The following NBPF12 variants were observed in gnomAD, a reference collection of about 807,000 sequenced individuals.
NBPF12 encodes the protein NBPF member 12.
Under a neutral mutation model 146.4 loss-of-function variants are expected in NBPF12, and 115 were observed. That is an observed-to-expected ratio of 0.79 (90% CI 0.68 to 0.92). The LOEUF is 0.92. NBPF12 is among the 40% of genes least tolerant of loss of function. The probability of loss-of-function intolerance (pLI) is 0.00; values close to 1 mark genes in which losing one functional copy is unlikely to be tolerated. For missense variants in NBPF12, 1,205 were observed against 1,326.8 expected (o/e 0.91, Z 1.43); for synonymous variants, 385 against 508.9 (o/e 0.76, Z 3.28).
chr1:146,938,690 C>G (rs1369493233), upstream of NBPF12: 1 of 152,046 alleles, frequency 6.6e-6, no homozygotes, highest in South Asian at 2.1e-4. Context: ...GCAGCCGGGT[C>G]CCTTTAAGGC....
chr1:146,992,456 CTCTCTCTGTGTGTGTGTG>C (rs1658238696), intron 31 of NBPF12, among the ~76,000 whole-genome samples: 1 of 103,902 alleles, frequency 9.6e-6, no homozygotes, highest in African/African-American at 4.3e-5. Context: ...CTCTCTCTCT[CTCTCTCTGTGTGTGTGTG>C]TGTGTGTGTG....
exon 13 of NBPF12, chr1:146,971,219 G>A (rs1449245435): frequency 1.2e-6 from 2 of 1,611,740 alleles, no homozygotes; most frequent in Non-Finnish European, 1.7e-6. Flanking sequence ...AAGTCCCTGA[G>A]GACTCACTGG....
At chr1:146,978,345 A>T (rs1329571629) in intron 18 of NBPF12, among the ~76,000 whole-genome samples, 27 of 143,080 alleles carry the variant, frequency 1.9e-4, no homozygotes, top group African/African-American at 6.8e-4. Flanking sequence ...ACTTGGTGCA[A>T]CCTCTGCCTC....
At chr1:146,942,848 G>A (rs1312877988) in intron 1 of NBPF12, among the ~76,000 whole-genome samples, 1 of 149,308 alleles carries the variant, frequency 6.7e-6, no homozygotes, top group Non-Finnish European at 1.5e-5. Flanking sequence ...AGAAAGAATC[G>A]AATTCTTGTT....
chr1:146,981,760 C>G (rs1315212402), intron 19 of NBPF12, among the ~76,000 whole-genome samples: 9 of 151,738 alleles, frequency 5.9e-5, no homozygotes, highest in Admixed American at 2.6e-4. Flanking sequence ...TCTTTTTACT[C>G]TTTTTTCTCT....
intron 15 of NBPF12, among the ~76,000 whole-genome samples, 197 bp from the exon 19 acceptor site, chr1:146,975,480 G>A (rs1335074427): frequency 6.7e-6 from 1 of 149,640 alleles, no homozygotes; most frequent in Non-Finnish European, 1.5e-5. Context: ...GATCTTGCAG[G>A]AGCCCTCTCT....
chr1:146,947,803 C>T (rs1655137555), upstream of NBPF12, among the ~76,000 whole-genome samples: 1 of 151,384 alleles, frequency 6.6e-6, no homozygotes, highest in African/African-American at 2.4e-5. Context: ...AGATTGCATT[C>T]TAGGGATGGT....
At chr1:146,975,450 A>G (rs1461064816) in intron 15 of NBPF12, among the ~76,000 whole-genome samples, 17 of 150,334 alleles carry the variant, frequency 1.1e-4, no homozygotes, top group Non-Finnish European at 2.2e-4. Flanking sequence ...GAGGGGAAAG[A>G]TGAATGGAAC....
At chr1:146,992,226 C>T (rs1293013306) in intron 31 of NBPF12, among the ~76,000 whole-genome samples, 180 bp downstream of exon 34, 1 of 133,678 alleles carries the variant, frequency 7.5e-6, no homozygotes, top group Non-Finnish European at 1.6e-5. Context: ...TCTTCCTCCC[C>T]TTATCATTTA....
intron 10 of NBPF12, among the ~76,000 whole-genome samples, chr1:146,968,926 TC>T (rs1323342377): frequency 1.9e-4 from 28 of 151,308 alleles, no homozygotes; most frequent in African/African-American, 6.4e-4. Flanking sequence ...TCTCATTCTT[TC>T]ACTCAATGTT....
At chr1:146,964,662 C>T (rs1481005466) in intron 7 of NBPF12, among the ~76,000 whole-genome samples, 1 of 151,946 alleles carries the variant, frequency 6.6e-6, no homozygotes, top group Admixed American at 6.5e-5. Context: ...TCCTCAGCTC[C>T]TATCTGTCCA....
At chr1:146,977,221 ATCC>A (rs1657100084) in intron 17 of NBPF12, among the ~76,000 whole-genome samples, 1 of 133,572 alleles carries the variant, frequency 7.5e-6, no homozygotes, top group African/African-American at 2.9e-5. Context: ...CTGAGTCTTC[ATCC>A]TTCTCAGCTC....
chr1:146,949,796 C>A (rs1388563856), intron 1 of NBPF12, among the ~76,000 whole-genome samples: 1 of 151,924 alleles, frequency 6.6e-6, no homozygotes, highest in African/African-American at 2.4e-5. Context: ...AGCAGGGAGA[C>A]ACTCTACTCT....
chr1:146,954,718 C>T (rs1655486204), intron 2 of NBPF12, among the ~76,000 whole-genome samples: 1 of 149,776 alleles, frequency 6.7e-6, no homozygotes. Flanking sequence ...AATTCACTAC[C>T]TATTTCCAGA....
At chr1:146,983,364 C>T (rs1657509202) in intron 20 of NBPF12, 3 of 615,974 alleles carry the variant, frequency 4.9e-6, no homozygotes, top group East Asian at 3.1e-5. Context: ...GTGTGGCAAA[C>T]TCACACCAAA....
At chr1:146,967,283 A>G (rs1656269908) in intron 9 of NBPF12, among the ~76,000 whole-genome samples, 1 of 150,776 alleles carries the variant, frequency 6.6e-6, no homozygotes, top group Non-Finnish European at 1.5e-5. Context: ...CGAGTAGAGC[A>G]CGAGGTCAGG....
rs1324808559 is a variant in NBPF12, at chr1:146,958,395, G to A, written c.-183-1464G>A. On this transcript the variant is annotated intron_variant, in intron 2 of 33. Coordinates refer to ENST00000617844, the Ensembl canonical transcript of NBPF12. ...TCATATATTGAAATTAACTTAAGAT[G>A]TGAAAGTTAAAATTAGAAACCTTGT... Among the ~76,000 whole-genome samples, 2 of 128,050 alleles carry A rather than the reference G, an allele frequency of 1.6e-5. 1 individual carries two copies. Among genetic ancestry groups the A allele is most frequent in the African/African-American group, 5.5e-5 (2 of 36,518 alleles). The allele number at this position is 128,050 out of a possible 152,430, so 84.0% of individuals were successfully genotyped here.
chr1:146,973,286 A>G (rs1310050870), intron 14 of NBPF12, among the ~76,000 whole-genome samples: 4 of 151,524 alleles, frequency 2.6e-5, no homozygotes, highest in Non-Finnish European at 4.4e-5. Flanking sequence ...AAGATCCTGC[A>G]GACAAATAAC....
chr1:146,946,179 C>T (rs1315854832), upstream of NBPF12, among the ~76,000 whole-genome samples: 3 of 149,870 alleles, frequency 2.0e-5, no homozygotes, highest in Admixed American at 1.3e-4. Flanking sequence ...TTTGTTTATT[C>T]ATTCACTTGG....
Sources: gnomAD v4.1 joint callset for allele counts (sites outside exome capture counted in the v4.1 genomes callset) on GRCh38, gnomAD v4.1.1 for gene constraint, MANE v1.5 for transcripts, NCBI Gene and HGNC (gene_info 2026-07-23, HGNC 2026-07-21) for gene names.